Variants in SMARCAL1 observed in about 807,000 individuals in gnomAD.
SMARCAL1 encodes ATP-driven annealing helicase.
In SMARCAL1, 58 loss-of-function variants were observed where a neutral mutation model predicts 94.5. That is an observed-to-expected ratio of 0.61 (90% CI 0.50 to 0.76). The LOEUF (loss-of-function observed/expected upper bound fraction) is 0.76, where lower values mean the gene tolerates loss of function less well. Among genes scored for constraint, SMARCAL1 ranks in the 30% least tolerant of loss-of-function variants. The pLI, the probability that SMARCAL1 is intolerant of heterozygous loss-of-function variation, is 0.00. For missense variants in SMARCAL1, 1,051 were observed against 1,177.9 expected, an observed-to-expected ratio of 0.89 and a Z score of 1.58; for synonymous variants, 422 against 455.1, an observed-to-expected ratio of 0.93 and a Z score of 0.93.
rs1694252266 is a variant in SMARCAL1, at chr2:216,443,923, C to A, written c.1711-3095C>A. Among the ~76,000 whole-genome samples, 4 of 152,356 alleles carry A rather than the reference C, an allele frequency of 2.6e-5. No homozygotes were observed. The South Asian group carries it at 8.3e-4, about 32-fold the overall frequency. Reference sequence around the variant, plus strand: ...CAAGCACTGGCTTTCTTCTGAATGTCAAGCTTTTCTTTTTGCCCTTAGGCT... The same window carrying A: ...CAAGCACTGGCTTTCTTCTGAATGTAAAGCTTTTCTTTTTGCCCTTAGGCT... On this transcript the variant is annotated intron_variant, in intron 10 of 17. Coordinates refer to ENST00000357276, the MANE Select transcript of SMARCAL1 (RefSeq NM_014140.4).
intron 6 of SMARCAL1, among the ~76,000 whole-genome samples, chr2:216,425,877 C>T (rs944868373): frequency 6.6e-5 from 10 of 152,194 alleles, no homozygotes; most frequent in Non-Finnish European, 1.2e-4. Context: ...GTGGACTCCA[C>T]CTGGAACTGA....
chr2:216,478,873 T>C (rs1164620267), intron 17 of SMARCAL1, among the ~76,000 whole-genome samples: 1 of 152,082 alleles, frequency 6.6e-6, no homozygotes, highest in East Asian at 1.9e-4. Flanking sequence ...GCCCTTGTTG[T>C]AAAGGAGTAT....
chr2:216,474,454 GAA>G (rs111287911), intron 14 of SMARCAL1, among the ~76,000 whole-genome samples: 19 of 115,438 alleles, frequency 1.6e-4, no homozygotes, highest in Admixed American at 2.6e-4. Flanking sequence ...GTGCATTCTT[GAA>G]AAAAAAAAAA....
At chr2:216,459,028 A>G (rs1248159908) in intron 12 of SMARCAL1, among the ~76,000 whole-genome samples, 2 of 151,418 alleles carry the variant, frequency 1.3e-5, no homozygotes, top group African/African-American at 2.4e-5. Flanking sequence ...AAGCATTCTT[A>G]TACACCAATA....
Position 216,455,905 on chromosome 2 carries a change from C to A in SMARCAL1, c.2070+4841C>A, listed in dbSNP as rs541625962. On this transcript the variant is annotated intron_variant, in intron 12 of 17. Coordinates refer to ENST00000357276, the MANE Select transcript of SMARCAL1 (RefSeq NM_014140.4). ...CTTCAGATGATCAGATTTCTCTGAGCTAAAGGAGGAAGTTTGAACCCATCG... is the reference window on the plus strand; with the variant it reads ...CTTCAGATGATCAGATTTCTCTGAGATAAAGGAGGAAGTTTGAACCCATCG... 1.0e-3 allele frequency among the ~76,000 whole-genome samples: 152 copies of A among 152,256 alleles called. 2 individuals carry two copies. The highest frequency in any genetic ancestry group is 9.9e-3 in the Admixed American group (152 of 15,288).
intron 17 of SMARCAL1, among the ~76,000 whole-genome samples, chr2:216,481,284 C>T (rs2106093092): frequency 6.7e-6 from 1 of 149,278 alleles, no homozygotes; most frequent in East Asian, 2.0e-4. Context: ...CCTCCGCCTC[C>T]CAGGCTCAAG....
At chr2:216,470,740 C>G (rs1316567862) in intron 14 of SMARCAL1, among the ~76,000 whole-genome samples, 1 of 150,422 alleles carries the variant, frequency 6.6e-6, no homozygotes, top group Admixed American at 6.7e-5. Context: ...TTTGCCTCAG[C>G]CTACCAAAGT....
At chr2:216,472,453 GTCA>G (rs1559137592) in intron 14 of SMARCAL1, among the ~76,000 whole-genome samples, 1 of 152,028 alleles carries the variant, frequency 6.6e-6, no homozygotes, top group African/African-American at 2.4e-5. Context: ...TCTCTAAGTA[GTCA>G]TCATTATCTT....
intron 13 of SMARCAL1, among the ~76,000 whole-genome samples, chr2:216,465,855 G>A (rs939760270): frequency 6.6e-5 from 10 of 152,000 alleles, no homozygotes; most frequent in Non-Finnish European, 5.9e-5. Flanking sequence ...CCTCGTACTT[G>A]GCCCACCTAC....
intron 4 of SMARCAL1, among the ~76,000 whole-genome samples, chr2:216,418,072 C>T (rs1256243501): frequency 3.3e-5 from 5 of 152,046 alleles, no homozygotes; most frequent in Non-Finnish European, 7.4e-5. Context: ...AGGCGTGTAC[C>T]ATGCCTGGCT....
intron 12 of SMARCAL1, among the ~76,000 whole-genome samples, chr2:216,460,190 G>A (rs2106067132): frequency 1.3e-5 from 2 of 152,266 alleles, no homozygotes; most frequent in East Asian, 3.9e-4. Flanking sequence ...GAAACAACAG[G>A]TGCTAGAGAG....
intron 11 of SMARCAL1, among the ~76,000 whole-genome samples, chr2:216,448,259 T>C (rs745663570): frequency 6.6e-6 from 1 of 152,198 alleles, no homozygotes; most frequent in Non-Finnish European, 1.5e-5. Flanking sequence ...ATTAGACTGA[T>C]GCTATATAGT....
intron 10 of SMARCAL1, among the ~76,000 whole-genome samples, chr2:216,440,120 G>A (rs1351619439): frequency 6.6e-6 from 1 of 151,902 alleles, no homozygotes; most frequent in Non-Finnish European, 1.5e-5. Context: ...AGCCATTGAT[G>A]GACACATTTA....
chr2:216,446,018 A>G (rs1014530510), intron 10 of SMARCAL1, among the ~76,000 whole-genome samples: 1 of 152,214 alleles, frequency 6.6e-6, no homozygotes, highest in Non-Finnish European at 1.5e-5. Flanking sequence ...GTTTCTAGAC[A>G]ACTGAGCTCC....
At chr2:216,476,819 C>T (rs2106088212) in intron 15 of SMARCAL1, among the ~76,000 whole-genome samples, 1 of 152,368 alleles carries the variant, frequency 6.6e-6, no homozygotes, top group Admixed American at 6.5e-5. Flanking sequence ...TCTTCATTTG[C>T]AGCACCTAGC....
chr2:216,469,981 G>A (rs2106079737), intron 14 of SMARCAL1, among the ~76,000 whole-genome samples: 1 of 152,172 alleles, frequency 6.6e-6, no homozygotes, highest in Non-Finnish European at 1.5e-5. Context: ...CCAGTAAAAT[G>A]TGTATCATTT....
chr2:216,477,263 A>T (rs1695105322), intron 16 of SMARCAL1, 54 bp downstream of exon 16: 1 of 1,265,756 alleles, frequency 7.9e-7, no homozygotes, highest in African/African-American at 1.5e-5. Flanking sequence ...GTGGAAACTG[A>T]TGATATGTTT....
At chr2:216,454,799 C>G (rs1378239924) in intron 12 of SMARCAL1, among the ~76,000 whole-genome samples, 1 of 152,204 alleles carries the variant, frequency 6.6e-6, no homozygotes, top group East Asian at 1.9e-4. Context: ...GTGATTTCTG[C>G]ACTTCCAACT....
chr2:216,460,398 G>A (rs1235870848), intron 12 of SMARCAL1, among the ~76,000 whole-genome samples: 1 of 152,136 alleles, frequency 6.6e-6, no homozygotes, highest in Non-Finnish European at 1.5e-5. Context: ...TATGTTTATT[G>A]CAGCACTATT....
Sources: gnomAD v4.1 joint callset for allele counts (sites outside exome capture counted in the v4.1 genomes callset) on GRCh38, gnomAD v4.1.1 for gene constraint, MANE v1.5 for transcripts, NCBI Gene and HGNC (gene_info 2026-07-23, HGNC 2026-07-21) for gene names.